Variants in CNTNAP2 observed in about 807,000 individuals in gnomAD.
CNTNAP2 encodes the protein contactin-associated protein-like 2.
CNTNAP2 carries 98 observed loss-of-function variants against 155.2 expected under a neutral mutation model. The ratio of observed to expected loss-of-function variants is 0.63; its 90% CI spans 0.54 to 0.75. The LOEUF is 0.75. Ranked by LOEUF, CNTNAP2 falls within the 30% of genes least tolerant of loss-of-function variation. The pLI is 0.00. For synonymous variants in CNTNAP2, 651 were observed against 631.2 expected (o/e 1.03, Z -0.47); for missense variants, 1,727 against 1,688.1 (o/e 1.02, Z -0.40).
At position 147,157,627 on chromosome 7, in the gene CNTNAP2, C is replaced by T. The variant is rs533972203; in HGVS notation, c.1348+25118C>T. Among the ~76,000 whole-genome samples the T allele has an allele frequency of 3.9e-5, 6 of 152,034 alleles. 1 individual carries two copies. Among genetic ancestry groups the T allele is most frequent in the Admixed American group, 3.9e-4 (6 of 15,234 alleles). On this transcript the variant is annotated intron_variant, in intron 8 of 23. Transcript: ENST00000361727. The stretch of plus-strand genomic sequence containing the variant: ...AATGGTATTATATTTTTCTGTGTTT[C>T]CTTTTTAACTCTAGCACTAATATAA...
At chr7:146,317,847 A>G (rs1265851724) in intron 1 of CNTNAP2, among the ~76,000 whole-genome samples, 1 of 152,210 alleles carries the variant, frequency 6.6e-6, no homozygotes, top group Non-Finnish European at 1.5e-5. Context: ...GTTTCCAATA[A>G]AAAGATGAAA....
intron 2 of CNTNAP2, among the ~76,000 whole-genome samples, chr7:146,819,247 C>T (rs1803230663): frequency 6.6e-6 from 1 of 152,100 alleles, no homozygotes; most frequent in African/African-American, 2.4e-5. Context: ...ATTATTTCCT[C>T]ATTTAAGGGA....
In CNTNAP2 at chr7:147,640,427, A is replaced by G. The variant is rs190744459; in HGVS notation, c.2098+1121A>G. The stretch of plus-strand genomic sequence containing the variant: ...TTGGGAGAATTTCATAAGGTAATAT[A>G]CTAGGTACTTATAAGACTTGATACA... On this transcript the variant is annotated intron_variant, in intron 13 of 23. Coordinates refer to ENST00000361727, the MANE Select transcript of CNTNAP2 (RefSeq NM_014141.6). Among the ~76,000 whole-genome samples the G allele has an allele frequency of 1.2e-4, 19 of 152,304 alleles. 1 individual carries two copies. The highest frequency in any genetic ancestry group is 2.5e-4 in the Non-Finnish European group (17 of 68,028).
Position 147,320,451 on chromosome 7 carries a change from C to T in CNTNAP2, c.1498+20161C>T, listed in dbSNP as rs1020104295. Among the ~76,000 whole-genome samples the T allele has an allele frequency of 2.0e-5, 3 of 152,076 alleles. No homozygotes were observed. In the East Asian group the frequency reaches 5.8e-4, roughly 29 times the overall value. On this transcript the variant is annotated intron_variant, in intron 9 of 23. Coordinates refer to ENST00000361727, the MANE Select transcript of CNTNAP2 (RefSeq NM_014141.6). ...CTGACAGTATGTACCAATATTAGTA[C>T]ACAGAAATACCTATATTAACCCTTT...
chr7:146,750,207 T>C (rs986813641), intron 1 of CNTNAP2, among the ~76,000 whole-genome samples: 1 of 152,136 alleles, frequency 6.6e-6, no homozygotes, highest in Non-Finnish European at 1.5e-5. Flanking sequence ...TATGCTGATA[T>C]TGCTTGATCA....
At chr7:146,305,739 T>G (rs562418384) in intron 1 of CNTNAP2, among the ~76,000 whole-genome samples, 2 of 152,066 alleles carry the variant, frequency 1.3e-5, no homozygotes, top group Admixed American at 6.6e-5. Flanking sequence ...TGGGACACAT[T>G]TAAAGCAGCG....
At chr7:146,491,570 C>T (rs1190936211) in intron 1 of CNTNAP2, among the ~76,000 whole-genome samples, 1 of 152,038 alleles carries the variant, frequency 6.6e-6, no homozygotes, top group Non-Finnish European at 1.5e-5. Flanking sequence ...AATGGTGACT[C>T]ACATGAAGGA....
At chr7:147,578,811 C>T (rs569124104) in intron 12 of CNTNAP2, among the ~76,000 whole-genome samples, 5 of 152,060 alleles carry the variant, frequency 3.3e-5, no homozygotes, top group South Asian at 2.1e-4. Context: ...CTGTGTATTA[C>T]GAAATTAAAG....
intron 15 of CNTNAP2, among the ~76,000 whole-genome samples, chr7:148,098,317 G>A (rs1220774980): frequency 2.0e-5 from 3 of 151,870 alleles, no homozygotes; most frequent in East Asian, 1.9e-4. Flanking sequence ...GGTGGCACAC[G>A]CCTGTAGTCC....
chr7:146,400,087 G>A (rs960362689), intron 1 of CNTNAP2, among the ~76,000 whole-genome samples: 96 of 152,142 alleles, frequency 6.3e-4, no homozygotes, highest in African/African-American at 2.0e-3. Flanking sequence ...GGCTAGGTAT[G>A]GTTCCTGAGG....
intron 9 of CNTNAP2, among the ~76,000 whole-genome samples, chr7:147,368,528 A>G (rs886233616): frequency 6.6e-6 from 1 of 152,120 alleles, no homozygotes; most frequent in African/African-American, 2.4e-5. Flanking sequence ...CAGAGAGATA[A>G]TGAAACACTC....
At chr7:147,599,830 T>G (rs1800909425) in intron 12 of CNTNAP2, among the ~76,000 whole-genome samples, 1 of 152,206 alleles carries the variant, frequency 6.6e-6, no homozygotes, top group African/African-American at 2.4e-5. Context: ...TGATTACATC[T>G]GCAAAGACGC....
chr7:147,089,732 A>G (rs1800359030), intron 4 of CNTNAP2, among the ~76,000 whole-genome samples: 1 of 152,216 alleles, frequency 6.6e-6, no homozygotes. Flanking sequence ...CCTATATTCA[A>G]TAAATATTAG....
At chr7:147,071,694 G>T (rs887013181) in intron 4 of CNTNAP2, among the ~76,000 whole-genome samples, 1 of 152,188 alleles carries the variant, frequency 6.6e-6, no homozygotes, top group Non-Finnish European at 1.5e-5. Context: ...TGGAAAAGAA[G>T]ATACGGGTAG....
intron 1 of CNTNAP2, among the ~76,000 whole-genome samples, chr7:146,723,939 TTTTTG>T (rs766743842): frequency 5.3e-5 from 8 of 152,236 alleles, no homozygotes; most frequent in South Asian, 2.1e-4. Flanking sequence ...TATTGAGGCT[TTTTTG>T]TTTTGTTTTG....
chr7:147,449,739 C>G (rs1428535957), intron 10 of CNTNAP2, among the ~76,000 whole-genome samples: 1 of 152,086 alleles, frequency 6.6e-6, no homozygotes, highest in Non-Finnish European at 1.5e-5. Context: ...CTAGGGATAT[C>G]AGTGGAAACT....
intron 3 of CNTNAP2, among the ~76,000 whole-genome samples, chr7:146,846,062 T>C (rs1388943444): frequency 6.6e-6 from 1 of 152,216 alleles, no homozygotes; most frequent in Non-Finnish European, 1.5e-5. Flanking sequence ...GTACTTAGAT[T>C]CTTTCAAAAT....
intron 3 of CNTNAP2, among the ~76,000 whole-genome samples, chr7:146,933,493 A>G (rs1311758248): frequency 5.3e-5 from 8 of 151,246 alleles, no homozygotes; most frequent in Non-Finnish European, 1.2e-4. Flanking sequence ...CCCTAGAAGA[A>G]AACCTAGGCA....
At chr7:147,665,844 A>G (rs921102563) in intron 13 of CNTNAP2, among the ~76,000 whole-genome samples, 2 of 152,150 alleles carry the variant, frequency 1.3e-5, no homozygotes, top group Non-Finnish European at 2.9e-5. Flanking sequence ...GTGTATATGT[A>G]CCACATTTTC....
Sources: allele counts gnomAD v4.1 joint callset (sites outside exome capture counted in the v4.1 genomes callset), GRCh38; gene constraint gnomAD v4.1.1; transcripts MANE v1.5; gene names NCBI Gene and HGNC (gene_info 2026-07-23, HGNC 2026-07-21).